The following GRK7 variants were observed in gnomAD, a reference collection of about 807,000 sequenced individuals.
GRK7 encodes the protein rhodopsin kinase GRK7.
A neutral mutation model predicts 34.1 loss-of-function variants in GRK7; 24 were observed. The ratio of observed to expected loss-of-function variants is 0.70; its 90% CI spans 0.51 to 0.99. The LOEUF is 0.99. Among genes scored for constraint, GRK7 ranks in the 50% least tolerant of loss-of-function variants. The pLI is 0.00. For missense variants in GRK7, 644 were observed against 707.3 expected, an observed-to-expected ratio of 0.91 and a Z score of 1.02; for synonymous variants, 256 against 279.4, an observed-to-expected ratio of 0.92 and a Z score of 0.84.
chr3:141,770,643 A>G (rs1017438046), intron 1 of GRK7, among the ~76,000 whole-genome samples: 2 of 152,216 alleles, frequency 1.3e-5, no homozygotes, highest in Non-Finnish European at 2.9e-5. Flanking sequence ...ATGGCCAACA[A>G]GCATATAAAA....
intron 4 of GRK7, among the ~76,000 whole-genome samples, chr3:141,798,544 T>C (rs1710917484): frequency 6.6e-6 from 1 of 152,152 alleles, no homozygotes; most frequent in African/African-American, 2.4e-5. Context: ...TCTGGTCACA[T>C]GCACTGAAGG....
intron 4 of GRK7, among the ~76,000 whole-genome samples, chr3:141,794,379 G>A (rs1297856643): frequency 6.6e-6 from 1 of 152,222 alleles, no homozygotes; most frequent in Non-Finnish European, 1.5e-5. Context: ...CCCACAGGTG[G>A]GGAAGAGCAT....
At chr3:141,786,863 C>T (rs1160172030) in intron 4 of GRK7, among the ~76,000 whole-genome samples, 1 of 152,052 alleles carries the variant, frequency 6.6e-6, no homozygotes, top group African/African-American at 2.4e-5. Flanking sequence ...TCACACCTAT[C>T]CTTTCAATAT....
rs1022805766 is a variant in GRK7 at position 141,818,256 on chromosome 3, T to A, written c.*1206T>A. The A allele has an allele frequency of 6.6e-6, 1 of 152,104 alleles. No homozygotes were observed. The highest frequency in any genetic ancestry group is 2.4e-5 in the African/African-American group (1 of 41,366). 9.4% of individuals were successfully genotyped at this position (152,104 alleles called of 1,614,324 possible). A position where few individuals can be genotyped will look rare whatever the true frequency, so the allele number is the denominator to read the frequency against. ...CAGCACTTTGGGAGGCCAAGGCAGA[T>A]GGATCATGAGGTCAGGGGCTCAAGA... is the stretch of plus-strand genomic sequence containing the variant. On this transcript the variant is annotated 3_prime_UTR_variant, in exon 6 of 6. Coordinates refer to ENST00000682958, the MANE Select transcript of GRK7 (RefSeq NM_139209.3).
At position 141,788,928 on chromosome 3, in the gene GRK7, C is replaced by G. The variant is rs535501141; in HGVS notation, c.1050+8117C>G. ...AGCTCACTGAAACCTCTACCTCTCA[C>G]GTTCAAGCACTACTACGCCTGGCTG... On this transcript the variant is annotated intron_variant, in intron 4 of 5. Coordinates refer to ENST00000682958, the MANE Select transcript of GRK7 (RefSeq NM_139209.3). Among the ~76,000 whole-genome samples, 15 of 152,266 alleles carry G rather than the reference C, an allele frequency of 9.9e-5. 1 individual carries two copies. Among genetic ancestry groups the G allele is most frequent in the African/African-American group, 3.6e-4 (15 of 41,544 alleles).
chr3:141,778,699 A>G lies in GRK7; in HGVS notation c.415A>G (p.Thr139Ala). The change falls in exon 3 of 6, where the codon ACT (threonine) becomes GCT (alanine). Residue 139 changes from threonine to alanine, a missense_variant. Thr to Ala is a moderately conservative substitution (Grantham distance 58). Coordinates refer to ENST00000682958, the MANE Select transcript of GRK7 (RefSeq NM_139209.3). The surrounding 1 kb of genome is among the most constrained non-coding windows in gnomAD (Gnocchi z 4.1). ...GGCCACCAAGTGCCAAGCAGCCACCACTGAGGAAGAGCGAGTGGCTGCAGT... is the reference window on the plus strand; with the variant it reads ...GGCCACCAAGTGCCAAGCAGCCACCGCTGAGGAAGAGCGAGTGGCTGCAGT... ...AVATKCQAAT[T>A]EEERVAAVTL... 1.2e-6 allele frequency: 2 copies of G among 1,613,480 alleles called. No individual in the cohort carries two copies. The highest frequency in any genetic ancestry group is 1.7e-6 in the Non-Finnish European group (2 of 1,179,626).
intron 4 of GRK7, among the ~76,000 whole-genome samples, chr3:141,795,634 G>A (rs544743371): frequency 6.6e-6 from 1 of 152,230 alleles, no homozygotes; most frequent in South Asian, 2.1e-4. Context: ...GTTTTTAGCA[G>A]GGAAGTGACA....
intron 1 of GRK7, among the ~76,000 whole-genome samples, chr3:141,768,403 A>G (rs1179036281): frequency 1.3e-5 from 2 of 150,866 alleles, no homozygotes. Context: ...TCAGCCTCCC[A>G]GGTAGCTGGG....
At chr3:141,800,306 A>G (rs910248381) in intron 4 of GRK7, among the ~76,000 whole-genome samples, 2 of 150,210 alleles carry the variant, frequency 1.3e-5, no homozygotes, top group African/African-American at 4.9e-5. Flanking sequence ...GCTGGACTCC[A>G]CATAGCTTAT....
chr3:141,760,498 G>A (rs2084550649), upstream of GRK7, among the ~76,000 whole-genome samples: 2 of 119,224 alleles, frequency 1.7e-5, no homozygotes, highest in African/African-American at 6.6e-5. Flanking sequence ...TATAATTTCT[G>A]TTCTTTTACA....
upstream of GRK7, among the ~76,000 whole-genome samples, chr3:141,760,075 C>A (rs1435413678): frequency 6.7e-6 from 1 of 149,570 alleles, no homozygotes; most frequent in African/African-American, 2.5e-5. Context: ...TGCTAGCGGT[C>A]TATCAATTTT....
At chr3:141,815,492 C>A (rs1366244445) in intron 5 of GRK7, among the ~76,000 whole-genome samples, 1 of 151,928 alleles carries the variant, frequency 6.6e-6, no homozygotes, top group Non-Finnish European at 1.5e-5. Flanking sequence ...TTTGTTGCAA[C>A]CTAGATTTAA....
At chr3:141,752,423 A>G in the GRK7 span, among the ~76,000 whole-genome samples, 1 of 152,188 alleles carries the variant, frequency 6.6e-6, no homozygotes, top group African/African-American at 2.4e-5. Context: ...CTAAACGTCC[A>G]CAAGGCATAG....
intron 4 of GRK7, among the ~76,000 whole-genome samples, chr3:141,781,633 A>G (rs1203584945): frequency 1.3e-5 from 2 of 152,184 alleles, no homozygotes; most frequent in East Asian, 1.9e-4. Flanking sequence ...TAAAAGTAAA[A>G]TATCTCCTTT....
chr3:141,797,465 A>G (rs1710902522), intron 4 of GRK7, among the ~76,000 whole-genome samples: 2 of 152,236 alleles, frequency 1.3e-5, no homozygotes, highest in Non-Finnish European at 2.9e-5. Context: ...CAAAGCGGCC[A>G]GGCCCCCCTC....
At chr3:141,750,823 A>G in the GRK7 span, among the ~76,000 whole-genome samples, 2 of 150,236 alleles carry the variant, frequency 1.3e-5, no homozygotes. Flanking sequence ...AGGTTCTCCC[A>G]CAGTGGTTCC....
At chr3:141,753,203 A>G in the GRK7 span, among the ~76,000 whole-genome samples, 2 of 152,218 alleles carry the variant, frequency 1.3e-5, no homozygotes, top group Admixed American at 6.5e-5. Flanking sequence ...TTTTCCTCCA[A>G]AATTGCTTTT....
intron 4 of GRK7, among the ~76,000 whole-genome samples, chr3:141,792,762 A>G (rs2084730771): frequency 6.6e-6 from 1 of 152,240 alleles, no homozygotes; most frequent in Non-Finnish European, 1.5e-5. Flanking sequence ...CTTTTTGTAT[A>G]TTAATGAGTT....
rs140849975 is a variant in GRK7, at chr3:141,804,310, A to C, written c.1051-3335A>C. Among the ~76,000 whole-genome samples, 662 of 152,218 alleles carry C rather than the reference A, an allele frequency of 4.3e-3. 6 individuals carry two copies. The highest frequency in any genetic ancestry group is 7.0e-3 in the Non-Finnish European group (474 of 68,020). ...GAGGCAAAGGAAAAGGGAGACTGGGAATAGATTCTGCTACCTTAGCATACA... is the reference window on the plus strand; with the variant it reads ...GAGGCAAAGGAAAAGGGAGACTGGGCATAGATTCTGCTACCTTAGCATACA... On this transcript the variant is annotated intron_variant, in intron 4 of 5. Coordinates refer to ENST00000682958, the MANE Select transcript of GRK7 (RefSeq NM_139209.3).
Sources: gnomAD v4.1 joint callset for allele counts (sites outside exome capture counted in the v4.1 genomes callset) on GRCh38, gnomAD v4.1.1 for gene constraint, Gnocchi (gnomAD v3.1) non-coding constraint, MANE v1.5 for transcripts, NCBI Gene and HGNC (gene_info 2026-07-23, HGNC 2026-07-21) for gene names.